Variants in NIF3L1 observed in about 807,000 individuals in gnomAD.
NIF3L1 encodes the protein NGG1 interacting factor 3 like 1.
NIF3L1 carries 26 observed loss-of-function variants against 35.0 expected under a neutral mutation model. The observed-to-expected ratio is 0.74, with a 90% CI of 0.54 to 1.03. The LOEUF (loss-of-function observed/expected upper bound fraction) is 1.03, where lower values mean the gene tolerates loss of function less well. NIF3L1 is among the 50% of genes least tolerant of loss of function. NIF3L1 has a pLI of 0.00. For missense variants in NIF3L1, 449 were observed against 466.3 expected, an observed-to-expected ratio of 0.96 and a Z score of 0.34; for synonymous variants, 157 against 178.9, an observed-to-expected ratio of 0.88 and a Z score of 0.98.
chr2:200,889,458 G>C lies in NIF3L1; in HGVS notation c.-221G>C, dbSNP rs1233450202. ...ACCTTCGCGGTAGGTGCCGGTTGGG[G>C]CCGGCTGTGATTGTTATCTTGGTGC... On this transcript the variant is annotated 5_prime_UTR_variant, in exon 1 of 7. Coordinates refer to ENST00000409020, the MANE Select transcript of NIF3L1 (RefSeq NM_001369441.2). The C allele has an allele frequency of 4.8e-6, 1 of 206,578 alleles. No homozygotes were observed. Among genetic ancestry groups the C allele is most frequent in the African/African-American group, 2.3e-5 (1 of 43,070 alleles). 12.8% of individuals were successfully genotyped at this position (206,578 alleles called of 1,614,324 possible).
chr2:200,892,265 T>A lies in NIF3L1; in HGVS notation c.322T>A (p.Trp108Arg). ...CATGAAGCGCATAACCTGGAACACA[T>A]GGAAGGAGCGCCTGGTGATCCGGGC... The part of the protein sequence containing the change: ...RPMKRITWNT[W>R]KERLVIRALE... The change falls in exon 2 of 7, where the codon TGG (tryptophan) becomes AGG (arginine). Residue 108 changes from tryptophan to arginine, a missense_variant. Coordinates refer to ENST00000409020, the MANE Select transcript of NIF3L1 (RefSeq NM_001369441.2). The A allele has an allele frequency of 6.2e-7, 1 of 1,614,146 alleles. No homozygotes were observed.
In NIF3L1 at chr2:200,892,054, GA is replaced by G; in HGVS notation, c.113del (p.Asn38MetfsTer27). 6.2e-7 allele frequency: 1 copy of G among 1,614,110 alleles called. No homozygotes were observed. The highest frequency in any genetic ancestry group is 1.1e-5 in the South Asian group (1 of 91,078). ...MDLKALLSSL[N>X]DFASLSFAES... is the part of the protein sequence containing the mutation. ...ATTTGAAGGCTCTCCTTTCTTCCTTGAATGACTTTGCATCCCTCTCGTTTGC... is the reference window on the plus strand; with the variant it reads ...ATTTGAAGGCTCTCCTTTCTTCCTTGATGACTTTGCATCCCTCTCGTTTGC... On this transcript the variant is annotated frameshift_variant, in exon 2 of 7. Transcript: ENST00000409020. LOFTEE classifies it high-confidence loss of function.
intron 4 of NIF3L1, 152 bp downstream of exon 4, chr2:200,895,542 C>A (rs2124886715): frequency 1.3e-6 from 1 of 754,346 alleles, no homozygotes; most frequent in Non-Finnish European, 2.1e-6. Context: ...TTGATGTGTA[C>A]AATTTGATGA....
In NIF3L1 at chr2:200,893,364, A is replaced by G. The variant is rs745961449; in HGVS notation, c.555A>G (p.Ala185=). The change falls in exon 3 of 7, where the codon GCA becomes GCG. Residue 185 remains alanine, a synonymous_variant. Coordinates refer to ENST00000409020, the MANE Select transcript of NIF3L1 (RefSeq NM_001369441.2). Reference sequence around the variant, plus strand: ...AAGACCTGGACAAAGTCATGTCTGCAGTGAAAGGAATTGACGGTGTTTCTG... The same window carrying G: ...AAGACCTGGACAAAGTCATGTCTGCGGTGAAAGGAATTGACGGTGTTTCTG... ...YTQDLDKVMS[A]VKGIDGVSVT... 1.2e-6 allele frequency: 2 copies of G among 1,614,042 alleles called. No individual in the cohort carries two copies. Among genetic ancestry groups the G allele is most frequent in the Non-Finnish European group, 1.7e-6 (2 of 1,179,944 alleles).
At chr2:200,892,543 A>G (rs1223815774) in intron 2 of NIF3L1, among the ~76,000 whole-genome samples, 164 bp downstream of exon 2, 5 of 152,236 alleles carry the variant, frequency 3.3e-5, no homozygotes, top group African/African-American at 1.2e-4. Flanking sequence ...GTTAAATTGC[A>G]TTTGAAAAAG....
rs771091763 is a variant in NIF3L1 at position 200,893,360 on chromosome 2, C to T, written c.551C>T (p.Ser184Phe). Residue 184 changes from serine (S) to phenylalanine (F), a missense_variant, in exon 3 of 7, where the codon TCT becomes TTT. Ser to Phe is a radical substitution (Grantham distance 155, BLOSUM62 -2). Coordinates refer to ENST00000409020, the MANE Select transcript of NIF3L1 (RefSeq NM_001369441.2). ...ACCCAAGACCTGGACAAAGTCATGT[C>T]TGCAGTGAAAGGAATTGACGGTGTT... ...NYTQDLDKVMSAVKGIDGVSV... is the reference protein window; with the variant it reads ...NYTQDLDKVMFAVKGIDGVSV... 4 of 1,613,972 alleles carry T rather than the reference C, an allele frequency of 2.5e-6. No homozygotes were observed. The Admixed American group carries it at 6.7e-5, about 27-fold the overall frequency.
At position 200,892,351 on chromosome 2, in the gene NIF3L1, C is replaced by CCA; in HGVS notation, c.408_409insCA (p.Val137GlnfsTer34). On this transcript the variant is annotated frameshift_variant, in exon 2 of 7. Coordinates refer to ENST00000409020, the MANE Select transcript of NIF3L1 (RefSeq NM_001369441.2). LOFTEE classifies it high-confidence loss of function. ...CAGCCTATGATGCTGCGCCCCAGGGCGTCAACAACTGGTTGGCTAAAGGGC... is the reference window on the plus strand; with the variant it reads ...CAGCCTATGATGCTGCGCCCCAGGGCCAGTCAACAACTGGTTGGCTAAAGGGC... 1.2e-6 allele frequency: 2 copies of CCA among 1,604,158 alleles called. No individual in the cohort carries two copies. The highest frequency in any genetic ancestry group is 2.2e-5 in the South Asian group (2 of 90,320).
chr2:200,897,400 A>G (rs954455106), intron 5 of NIF3L1, among the ~76,000 whole-genome samples, 186 bp downstream of exon 5: 4 of 152,022 alleles, frequency 2.6e-5, no homozygotes, highest in African/African-American at 7.2e-5. Flanking sequence ...TTAATCAATG[A>G]GATTTATTTC....
chr2:200,891,563 G>A (rs1177883055), intron 1 of NIF3L1, among the ~76,000 whole-genome samples: 1 of 152,144 alleles, frequency 6.6e-6, no homozygotes, highest in African/African-American at 2.4e-5. Context: ...TTAGAGAAAT[G>A]GATTAGGGAG....
At position 200,898,963 on chromosome 2, in the gene NIF3L1, C is replaced by T. The variant is rs1025724823; in HGVS notation, c.866-422C>T. The T allele has an allele frequency of 3.6e-5, 6 of 165,984 alleles. No homozygotes were observed. The Admixed American group carries it at 3.6e-4, about 10-fold the overall frequency. The allele number at this position is 165,984 out of a possible 1,614,324, so 10.3% of individuals were successfully genotyped here. A position where few individuals can be genotyped will look rare whatever the true frequency, so the allele number is the denominator to read the frequency against. On this transcript the variant is annotated intron_variant, in intron 5 of 6. Transcript: ENST00000409020. ...TGTTGCAATACAGCCTAGAGCTGCA[C>T]CATTAGTACTATTCAGTGGTTTGTG...
At position 200,903,863 on chromosome 2, in the gene NIF3L1, A is replaced by G. The variant is rs898645511; in HGVS notation, c.*185A>G. The G allele has an allele frequency of 6.6e-6, 4 of 602,240 alleles. No homozygotes were observed. In the Admixed American group the frequency reaches 1.1e-4, roughly 17 times the overall value. The allele number at this position is 602,240 out of a possible 1,614,324, so 37.3% of individuals were successfully genotyped here. A position where few individuals can be genotyped will look rare whatever the true frequency, so the allele number is the denominator to read the frequency against. ...AAGGTAAAACTGTAATATAACTACC[A>G]TATTAAATAACAAATGTTCATTATA... On this transcript the variant is annotated 3_prime_UTR_variant, in exon 7 of 7. Transcript: ENST00000409020.
chr2:200,893,973 G>C lies in NIF3L1; in HGVS notation c.599+565G>C, dbSNP rs2040252388. On this transcript the variant is annotated intron_variant, in intron 3 of 6. Coordinates refer to ENST00000409020, the MANE Select transcript of NIF3L1 (RefSeq NM_001369441.2). The stretch of plus-strand genomic sequence containing the variant: ...GTGGATCACCTGAGGTCAGGAGTTT[G>C]AGACCAGCCTGACTAACATGGAGAA... Among the ~76,000 whole-genome samples, 3 of 152,180 alleles carry C rather than the reference G, an allele frequency of 2.0e-5. No individual in the cohort carries two copies. The South Asian group carries it at 6.2e-4, about 32-fold the overall frequency.
At chr2:200,892,472 G>T in intron 2 of NIF3L1, 93 bp downstream of exon 2, 1 of 925,090 alleles carries the variant, frequency 1.1e-6, no homozygotes. Flanking sequence ...CTTTAGGGTT[G>T]GGGAGGGCAT....
chr2:200,898,160 G>T (rs1336482760), intron 5 of NIF3L1, among the ~76,000 whole-genome samples: 1 of 143,756 alleles, frequency 7.0e-6, no homozygotes, highest in East Asian at 1.9e-4. Context: ...AACAATTGTG[G>T]TTCAGAGAGA....
Position 200,903,674 on chromosome 2 carries a change from T to C in NIF3L1, c.1130T>C (p.Val377Ala). ...SETDRDPLQVV is the reference protein window; with the variant it reads ...SETDRDPLQVA Reference sequence around the variant, plus strand: ...ACTGACAGGGACCCTCTTCAGGTGGTATAATTGCAGAAACATCAGGATAAC... The same window carrying C: ...ACTGACAGGGACCCTCTTCAGGTGGCATAATTGCAGAAACATCAGGATAAC... The change falls in exon 7 of 7, where the codon GTA becomes GCA. Residue 377 changes from valine (V) to alanine (A), a missense_variant. Transcript: ENST00000409020. The C allele has an allele frequency of 1.2e-6, 2 of 1,612,398 alleles. No homozygotes were observed. The highest frequency in any genetic ancestry group is 1.7e-6 in the Non-Finnish European group (2 of 1,178,460).
chr2:200,901,312 C>G (rs917956836), intron 6 of NIF3L1, among the ~76,000 whole-genome samples: 1 of 152,176 alleles, frequency 6.6e-6, no homozygotes, highest in African/African-American at 2.4e-5. Flanking sequence ...ATAGCATTGA[C>G]ATTTTTAAAG....
intron 1 of NIF3L1, 70 bp from the exon 2 acceptor site, chr2:200,891,846 CAT>C: frequency 1.1e-6 from 1 of 889,792 alleles, no homozygotes. Flanking sequence ...CTCTTTTGCC[CAT>C]ATGTTTTGAT....
intron 5 of NIF3L1, among the ~76,000 whole-genome samples, chr2:200,897,625 G>A (rs887512509): frequency 1.3e-5 from 2 of 152,132 alleles, no homozygotes; most frequent in Admixed American, 6.5e-5. Context: ...CTTACCATGT[G>A]TCAGGAAGAG....
intron 1 of NIF3L1, among the ~76,000 whole-genome samples, 197 bp downstream of exon 1, chr2:200,889,849 C>G (rs2040131650): frequency 6.6e-6 from 1 of 152,208 alleles, no homozygotes; most frequent in Admixed American, 6.5e-5. Flanking sequence ...ACAGCTCTGG[C>G]TCTAGGATTC....
Sources: allele counts gnomAD v4.1 joint callset (sites outside exome capture counted in the v4.1 genomes callset), GRCh38; gene constraint gnomAD v4.1.1; transcripts MANE v1.5; gene names NCBI Gene and HGNC (gene_info 2026-07-23, HGNC 2026-07-21).